Variants in XRCC4 observed in about 807,000 individuals in gnomAD.
XRCC4 encodes the protein DNA repair protein XRCC4.
Under a neutral mutation model 39.1 loss-of-function variants are expected in XRCC4, and 28 were observed. That is an observed-to-expected ratio of 0.72 (90% CI 0.53 to 0.98). The LOEUF (loss-of-function observed/expected upper bound fraction) is 0.98, where lower values mean the gene tolerates loss of function less well. XRCC4 is among the 50% of genes least tolerant of loss of function. XRCC4 has a pLI of 0.00. For synonymous variants in XRCC4, 123 were observed against 126.4 expected, an observed-to-expected ratio of 0.97 and a Z score of 0.18; for missense variants, 350 against 376.4, an observed-to-expected ratio of 0.93 and a Z score of 0.58.
chr5:83,288,983 C>G (rs143818633), intron 7 of XRCC4, among the ~76,000 whole-genome samples: 8 of 151,514 alleles, frequency 5.3e-5, no homozygotes, highest in African/African-American at 1.9e-4. Flanking sequence ...TTATCTCTTT[C>G]AGTTTATATC....
chr5:83,209,547 C>T (rs368759002), intron 6 of XRCC4, among the ~76,000 whole-genome samples: 8 of 151,970 alleles, frequency 5.3e-5, no homozygotes, highest in Non-Finnish European at 1.2e-4. Flanking sequence ...ATTCAAAAAG[C>T]ATGCAAATAT....
At chr5:83,164,512 G>T (rs1025950475) in intron 3 of XRCC4, among the ~76,000 whole-genome samples, 1 of 152,054 alleles carries the variant, frequency 6.6e-6, no homozygotes, top group African/African-American at 2.4e-5. Context: ...GAGATCTGTT[G>T]TGCAGCATGG....
chr5:83,340,467 C>T (rs915654176), intron 7 of XRCC4, among the ~76,000 whole-genome samples: 4 of 152,014 alleles, frequency 2.6e-5, no homozygotes, highest in Non-Finnish European at 5.9e-5. Context: ...TCACAAAGGT[C>T]CTTAAGTAGA....
chr5:83,271,017 G>T lies in XRCC4; in HGVS notation c.893+12340G>T, dbSNP rs559620847. Among the ~76,000 whole-genome samples the T allele has an allele frequency of 2.0e-5, 3 of 151,998 alleles. No individual in the cohort carries two copies. The South Asian group carries it at 6.2e-4, about 32-fold the overall frequency. On this transcript the variant is annotated intron_variant, in intron 7 of 7. Transcript: ENST00000396027. The stretch of plus-strand genomic sequence containing the variant: ...AGGAAGACAGAAGGGGTTTTATTTA[G>T]CCCATTTAATCAACTACTAACTAAA...
intron 4 of XRCC4, among the ~76,000 whole-genome samples, chr5:83,200,884 C>T (rs753480578): frequency 7.2e-5 from 11 of 152,038 alleles, no homozygotes; most frequent in Admixed American, 6.6e-4. Flanking sequence ...ATCATGCTTA[C>T]GTAACACTGA....
intron 1 of XRCC4, among the ~76,000 whole-genome samples, chr5:83,080,159 A>G (rs1031241503): frequency 9.8e-5 from 15 of 152,342 alleles, no homozygotes; most frequent in Admixed American, 2.0e-4. Flanking sequence ...TAAATACAGT[A>G]GTCCCTCCTT....
chr5:83,102,477 G>T (rs2112361921), intron 1 of XRCC4, among the ~76,000 whole-genome samples: 1 of 152,172 alleles, frequency 6.6e-6, no homozygotes, highest in Admixed American at 6.5e-5. Flanking sequence ...TTTGGGACAG[G>T]CATAGACTTT....
intron 6 of XRCC4, among the ~76,000 whole-genome samples, chr5:83,211,569 G>A (rs958249038): frequency 6.6e-6 from 1 of 152,082 alleles, no homozygotes; most frequent in Non-Finnish European, 1.5e-5. Flanking sequence ...ATCTTCATAG[G>A]AGAATAGAAA....
chr5:83,195,154 C>G (rs1441491040), intron 3 of XRCC4, among the ~76,000 whole-genome samples: 1 of 152,052 alleles, frequency 6.6e-6, no homozygotes, highest in Non-Finnish European at 1.5e-5. Flanking sequence ...TTATTTTAAA[C>G]TGTACCCTAG....
chr5:83,143,913 T>TTA (rs1457757703), intron 3 of XRCC4, among the ~76,000 whole-genome samples: 7 of 152,118 alleles, frequency 4.6e-5, no homozygotes, highest in Admixed American at 3.9e-4. Context: ...TTCTTTTTTT[T>TTA]AATTTCAATA....
At chr5:83,353,819 AG>A (rs1033195844), downstream of XRCC4, 1 of 152,164 alleles carries the variant, frequency 6.6e-6, no homozygotes, top group Admixed American at 6.5e-5. Flanking sequence ...AGTAAGTAAC[AG>A]GTTTTTAGAA....
chr5:83,321,388 A>T (rs563206038), intron 7 of XRCC4, among the ~76,000 whole-genome samples: 95 of 152,304 alleles, frequency 6.2e-4, no homozygotes, highest in African/African-American at 2.3e-3. Flanking sequence ...TTTTGGAATG[A>T]TGTAGCAGAA....
chr5:83,217,205 A>G (rs1381340132), intron 6 of XRCC4, among the ~76,000 whole-genome samples: 4 of 151,780 alleles, frequency 2.6e-5, no homozygotes, highest in Non-Finnish European at 4.4e-5. Flanking sequence ...AACACACAAA[A>G]AATTAGCCAG....
At chr5:83,281,769 A>G (rs961433520) in intron 7 of XRCC4, among the ~76,000 whole-genome samples, 5 of 152,130 alleles carry the variant, frequency 3.3e-5, no homozygotes, top group South Asian at 2.1e-4. Flanking sequence ...AACTATGCCA[A>G]ATTCCTCCAA....
At chr5:83,094,585 A>G (rs975414610) in intron 1 of XRCC4, among the ~76,000 whole-genome samples, 1 of 150,298 alleles carries the variant, frequency 6.7e-6, no homozygotes, top group East Asian at 2.0e-4. Flanking sequence ...CTGGATATTC[A>G]TTTTTTAATT....
At chr5:83,081,700 T>C (rs917239681) in intron 1 of XRCC4, among the ~76,000 whole-genome samples, 2 of 152,246 alleles carry the variant, frequency 1.3e-5, no homozygotes, top group East Asian at 3.8e-4. Context: ...TTCTATTTAA[T>C]GTATGTCTTA....
chr5:83,321,556 A>C (rs545638025), intron 7 of XRCC4, among the ~76,000 whole-genome samples: 1 of 152,192 alleles, frequency 6.6e-6, no homozygotes, highest in African/African-American at 2.4e-5. Flanking sequence ...AAATATTAAT[A>C]AGGTGAATAT....
intron 7 of XRCC4, among the ~76,000 whole-genome samples, chr5:83,326,950 G>A (rs751800452): frequency 7.9e-5 from 12 of 151,978 alleles, no homozygotes. Flanking sequence ...TACACCTAAT[G>A]GCATACACCT....
chr5:83,232,197 T>C (rs997583057), intron 6 of XRCC4, among the ~76,000 whole-genome samples: 1 of 152,122 alleles, frequency 6.6e-6, no homozygotes, highest in Admixed American at 6.6e-5. Context: ...CATTAGCCTC[T>C]TCACCAAAAT....
Sources: gnomAD v4.1 joint callset for allele counts (sites outside exome capture counted in the v4.1 genomes callset) on GRCh38, gnomAD v4.1.1 for gene constraint, MANE v1.5 for transcripts, NCBI Gene and HGNC (gene_info 2026-07-23, HGNC 2026-07-21) for gene names.